NSD1: variants seen among roughly 807,000 people sequenced by gnomAD.
NSD1 encodes the protein nuclear receptor binding SET domain protein 1.
In NSD1, 26 loss-of-function variants were observed where a neutral mutation model predicts 242.7. The observed-to-expected ratio is 0.11, with a 90% CI of 0.08 to 0.15. The LOEUF (loss-of-function observed/expected upper bound fraction) is 0.15. NSD1 is among the 10% of genes least tolerant of loss of function. The probability of loss-of-function intolerance (pLI) is 1.00; values close to 1 mark genes in which losing one functional copy is unlikely to be tolerated. For missense variants in NSD1, 2,495 were observed against 3,272.8 expected (o/e 0.76, Z 5.80); for synonymous variants, 1,106 against 1,178.1 (o/e 0.94, Z 1.25).
At chr5:177,279,242 G>C (rs1041188988) in intron 17 of NSD1, among the ~76,000 whole-genome samples, 27 of 152,172 alleles carry the variant, frequency 1.8e-4, no homozygotes, top group African/African-American at 5.8e-4. Flanking sequence ...AGCACTTTCA[G>C]AGACCGAGGC....
At chr5:177,251,612 CT>C in intron 11 of NSD1, 117 bp from the exon 12 acceptor site, 1 of 1,033,232 alleles carries the variant, frequency 9.7e-7, no homozygotes, top group Non-Finnish European at 1.5e-6. Context: ...GCCCTTGCCT[CT>C]TTCTCACCTC....
upstream of NSD1, among the ~76,000 whole-genome samples, chr5:177,133,347 G>A (rs1200236104): frequency 1.3e-5 from 2 of 152,172 alleles, no homozygotes; most frequent in Non-Finnish European, 2.9e-5. The surrounding 1 kb of genome is among the most constrained non-coding windows in gnomAD (Gnocchi z 6.2). Flanking sequence ...GTTGGGGTTC[G>A]AGACGCGTAG....
intron 3 of NSD1, among the ~76,000 whole-genome samples, chr5:177,192,455 G>A (rs1200741640): frequency 1.3e-5 from 2 of 151,936 alleles, no homozygotes; most frequent in African/African-American, 4.8e-5. Context: ...GGAGTGCAGT[G>A]GCGTGATCTC....
intron 3 of NSD1, among the ~76,000 whole-genome samples, chr5:177,199,321 G>A (rs999719046): frequency 2.6e-5 from 4 of 152,186 alleles, no homozygotes; most frequent in Middle Eastern, 3.4e-3. Context: ...GTAGTGACGC[G>A]ATGTCAGCTC....
chr5:177,257,817 T>TTTTTTATTTTA (rs1554199650), intron 13 of NSD1, among the ~76,000 whole-genome samples: 2 of 139,664 alleles, frequency 1.4e-5, no homozygotes, highest in African/African-American at 5.2e-5. Context: ...CTGGGCTTTT[T>TTTTTTATTTTA]TTTTATTTTA....
chr5:177,265,101 C>A, intron 14 of NSD1: 3 of 752,016 alleles, frequency 4.0e-6, no homozygotes, highest in South Asian at 2.7e-5. Flanking sequence ...GGAAAATGAT[C>A]AGAAAAAGAA....
intron 14 of NSD1, among the ~76,000 whole-genome samples, chr5:177,262,074 T>C (rs981760956): frequency 6.6e-6 from 1 of 152,216 alleles, no homozygotes; most frequent in Non-Finnish European, 1.5e-5. Context: ...ACAGTCATAT[T>C]ATAATAGCAT....
chr5:177,188,362 G>T (rs1235507786), intron 2 of NSD1, among the ~76,000 whole-genome samples: 1 of 152,064 alleles, frequency 6.6e-6, no homozygotes, highest in Non-Finnish European at 1.5e-5. Context: ...GGTCCTTATT[G>T]TCTATGAACG....
intron 17 of NSD1, among the ~76,000 whole-genome samples, chr5:177,274,697 T>TTGTGTGTGTGTG (rs138385964): frequency 1.4e-3 from 208 of 145,440 alleles, no homozygotes; most frequent in Middle Eastern, 3.5e-3. Context: ...CACTTATCCT[T>TTGTGTGTGTGTG]TGTGTGTGTG....
chr5:177,260,001 G>A lies in NSD1; in HGVS notation c.4979G>A (p.Arg1660His), dbSNP rs2149917696. 1 of 1,613,924 alleles carries A rather than the reference G, an allele frequency of 6.2e-7. No homozygotes were observed. The highest frequency in any genetic ancestry group is 8.5e-7 in the Non-Finnish European group (1 of 1,180,012). ...TTTCCTGCTTTAGGTCGGTTGATGC[G>A]CTGTGTCCGCTGTCCTGTGGCATAC... ...NVSASKGRLMRCVRCPVAYHA... is the reference protein window; with the variant it reads ...NVSASKGRLMHCVRCPVAYHA... The change falls in exon 14 of 23, where the codon CGC (arginine) becomes CAC (histidine). Residue 1660 changes from arginine to histidine, a missense_variant. By Grantham distance (29) the Arg-to-His change is conservative. Around this residue, in one of 19 missense-constraint regions of NSD1, gnomAD observed 31 missense variants for 120.2 expected, o/e 0.26. Coordinates refer to ENST00000439151, the MANE Select transcript of NSD1 (RefSeq NM_022455.5).
chr5:177,207,061 C>T (rs1480911697), intron 4 of NSD1, among the ~76,000 whole-genome samples: 1 of 151,994 alleles, frequency 6.6e-6, no homozygotes, highest in African/African-American at 2.4e-5. Context: ...TTCAGCCTCC[C>T]AAGTAGCTGA....
At chr5:177,256,876 G>C in intron 12 of NSD1, 75 bp from the exon 13 acceptor site, 1 of 1,290,226 alleles carries the variant, frequency 7.8e-7, no homozygotes, top group Non-Finnish European at 1.1e-6. Flanking sequence ...AATTTCTTAT[G>C]AACTTTTCAC....
chr5:177,239,721 C>A (rs1000902170), intron 7 of NSD1, 35 bp from the exon 8 acceptor site: 2 of 1,282,500 alleles, frequency 1.6e-6, no homozygotes, highest in South Asian at 2.4e-5. Context: ...TGCCCAGTTT[C>A]TAAATCATCT....
intron 6 of NSD1, among the ~76,000 whole-genome samples, chr5:177,237,499 A>G (rs1421582874): frequency 1.4e-5 from 2 of 147,412 alleles, no homozygotes; most frequent in Non-Finnish European, 3.0e-5. Context: ...TTAAAAAAAT[A>G]TATATATATA....
At chr5:177,170,127 G>T (rs972390597) in intron 2 of NSD1, among the ~76,000 whole-genome samples, 1 of 151,444 alleles carries the variant, frequency 6.6e-6, no homozygotes, top group Admixed American at 6.6e-5. Flanking sequence ...CCGCCACCAC[G>T]CCCGGCTAAT....
intron 14 of NSD1, chr5:177,264,768 G>GACAA: frequency 1.4e-6 from 1 of 737,626 alleles, no homozygotes; most frequent in Non-Finnish European, 2.5e-6. Flanking sequence ...TCGCCAAAAT[G>GACAA]ACAAACACAA....
rs560834792 is a variant in NSD1 at position 177,153,421 on chromosome 5, A to G, written c.927+17391A>G. 9.2e-5 allele frequency among the ~76,000 whole-genome samples: 14 copies of G among 152,130 alleles called. No homozygotes were observed. In the East Asian group the frequency reaches 2.7e-3, roughly 29 times the overall value. Reference sequence around the variant, plus strand: ...TATTAAGTGGGTGCAAAATGCTACTACAAGATTGCTTTAATTACTACAGTT... The same window carrying G: ...TATTAAGTGGGTGCAAAATGCTACTGCAAGATTGCTTTAATTACTACAGTT... On this transcript the variant is annotated intron_variant, in intron 2 of 22. Coordinates refer to ENST00000439151, the MANE Select transcript of NSD1 (RefSeq NM_022455.5).
intron 22 of NSD1, 31 bp from the exon 23 acceptor site, chr5:177,293,801 C>A: frequency 6.2e-7 from 1 of 1,612,652 alleles, no homozygotes; most frequent in South Asian, 1.1e-5. Context: ...CTCTTTTTTC[C>A]TAAACTTTTG....
At position 177,212,121 on chromosome 5, in the gene NSD1, G is replaced by C. The variant is rs138641637; in HGVS notation, c.3722G>C (p.Ser1241Thr). 7.5e-4 allele frequency: 1,214 copies of C among 1,614,004 alleles called. No homozygotes were observed. The highest frequency in any genetic ancestry group is 2.5e-3 in the Admixed American group (151 of 59,978). The change falls in exon 5 of 23, where the codon AGT (serine) becomes ACT (threonine). Residue 1241 changes from serine to threonine, a missense_variant. Physicochemically the swap from Ser to Thr is moderately conservative, Grantham distance 58 (BLOSUM62 1). This residue lies in a region of NSD1 where 426 missense variants were observed against 411.4 expected (regional missense o/e 1.04). Coordinates refer to ENST00000439151, the MANE Select transcript of NSD1 (RefSeq NM_022455.5). The stretch of plus-strand genomic sequence containing the variant: ...CGGTTAAATGTTTGTGATAAATCCA[G>C]TGCCAGCATTGGTGACATGGAAAAG... The part of the protein sequence containing the change: ...GPRLNVCDKS[S>T]ASIGDMEKEP...
Sources: allele counts gnomAD v4.1 joint callset (sites outside exome capture counted in the v4.1 genomes callset), GRCh38; gene constraint gnomAD v4.1.1; regional missense constraint gnomAD v4.1.1; non-coding constraint Gnocchi (gnomAD v3.1); transcripts MANE v1.5; gene names NCBI Gene and HGNC (gene_info 2026-07-23, HGNC 2026-07-21).